ARHGAP32: variants seen among roughly 807,000 people sequenced by gnomAD.
ARHGAP32 encodes the protein Rho GTPase activating protein 32.
In ARHGAP32, 51 loss-of-function variants were observed where a neutral mutation model predicts 186.5. The ratio of observed to expected loss-of-function variants is 0.27; its 90% CI spans 0.22 to 0.35. The LOEUF (loss-of-function observed/expected upper bound fraction) is 0.35, where lower values mean the gene tolerates loss of function less well. ARHGAP32 is among the 10% of genes least tolerant of loss of function. The probability of loss-of-function intolerance (pLI) is 1.00; values close to 1 mark genes in which losing one functional copy is unlikely to be tolerated. For missense variants in ARHGAP32, 2,186 were observed against 2,623.5 expected (o/e 0.83, Z 3.64); for synonymous variants, 950 against 964.3 (o/e 0.99, Z 0.27).
At chr11:129,117,094 C>T (rs1273565235) in intron 5 of ARHGAP32, among the ~76,000 whole-genome samples, 1 of 151,874 alleles carries the variant, frequency 6.6e-6, no homozygotes, top group Non-Finnish European at 1.5e-5. Flanking sequence ...ATTAAAGATG[C>T]GAGATACTCT....
intron 11 of ARHGAP32, among the ~76,000 whole-genome samples, chr11:129,006,649 C>G (rs993795401): frequency 6.6e-6 from 1 of 152,180 alleles, no homozygotes; most frequent in African/African-American, 2.4e-5. Context: ...CTGTGGCCAC[C>G]ACCACTGGGA....
At chr11:129,098,070 C>G (rs1941785101) in intron 5 of ARHGAP32, among the ~76,000 whole-genome samples, 1 of 152,140 alleles carries the variant, frequency 6.6e-6, no homozygotes, top group Non-Finnish European at 1.5e-5. Context: ...GCAAAACTGT[C>G]CTTAAAAAGT....
At chr11:128,998,209 C>A in intron 12 of ARHGAP32, 110 bp downstream of exon 12, 2 of 931,088 alleles carry the variant, frequency 2.1e-6, no homozygotes, top group Non-Finnish European at 1.5e-6. Context: ...ATGCATTGAA[C>A]TGAAATGAAA....
chr11:129,068,422 C>A (rs1237070089), intron 6 of ARHGAP32, among the ~76,000 whole-genome samples: 2 of 152,040 alleles, frequency 1.3e-5, no homozygotes, highest in African/African-American at 2.4e-5. Flanking sequence ...CTATCACTAC[C>A]TTCTACCCAA....
intron 1 of ARHGAP32, among the ~76,000 whole-genome samples, chr11:129,200,433 T>C (rs1276561041): frequency 6.6e-6 from 1 of 152,174 alleles, no homozygotes; most frequent in East Asian, 1.9e-4. Context: ...CTCATGGTAG[T>C]AAGTAAGTCT....
intron 1 of ARHGAP32, among the ~76,000 whole-genome samples, chr11:129,266,464 A>G (rs1309498599): frequency 6.6e-6 from 1 of 152,134 alleles, no homozygotes; most frequent in Non-Finnish European, 1.5e-5. Context: ...ATCAGCCTAG[A>G]AGCTCTTGCC....
intron 2 of ARHGAP32, among the ~76,000 whole-genome samples, chr11:129,132,515 C>A (rs535636381): frequency 6.6e-6 from 1 of 151,834 alleles, no homozygotes; most frequent in Admixed American, 6.6e-5. Context: ...CACAGTGATC[C>A]CCATGAAACT....
intron 1 of ARHGAP32, among the ~76,000 whole-genome samples, chr11:129,246,542 C>T (rs981655182): frequency 6.6e-6 from 1 of 151,992 alleles, no homozygotes; most frequent in Non-Finnish European, 1.5e-5. Context: ...ATAAAATGAA[C>T]CAAAAAGGTT....
chr11:129,117,891 A>G (rs1317843405), intron 5 of ARHGAP32, among the ~76,000 whole-genome samples: 2 of 151,988 alleles, frequency 1.3e-5, no homozygotes, highest in Non-Finnish European at 2.9e-5. Flanking sequence ...ATATTTTGTG[A>G]AATGTGAATT....
In ARHGAP32 at chr11:129,055,930, G is replaced by T. The variant is rs142204286; in HGVS notation, c.963+6350C>A. Among the ~76,000 whole-genome samples the T allele has an allele frequency of 1.5e-3, 221 of 152,288 alleles. 1 individual carries two copies. The highest frequency in any genetic ancestry group is 4.9e-3 in the African/African-American group (204 of 41,554). ...AAACAATGGACTTTAGTTAATAATAGTATATCAATATTGATTCATTAATTA... is the reference window on the plus strand; with the variant it reads ...AAACAATGGACTTTAGTTAATAATATTATATCAATATTGATTCATTAATTA... On this transcript the variant is annotated intron_variant, in intron 10 of 22. Coordinates refer to ENST00000682385, the MANE Select transcript of ARHGAP32 (RefSeq NM_001378024.1).
Position 129,123,558 on chromosome 11 carries a change from G to A in ARHGAP32, c.360-28C>T, listed in dbSNP as rs752925915. On this transcript the variant is annotated intron_variant, in intron 4 of 22. Transcript: ENST00000682385. The surrounding 1 kb of genome is among the most constrained non-coding windows in gnomAD (Gnocchi z 4.6). The stretch of plus-strand genomic sequence containing the variant: ...GAAACACATGAAATAAATAAGAAAC[G>A]AGATAGTGAAACAGTAAAAATTACT... The A allele has an allele frequency of 4.4e-6, 7 of 1,581,140 alleles. No homozygotes were observed. Among genetic ancestry groups the A allele is most frequent in the Non-Finnish European group, 1.7e-6 (2 of 1,152,122 alleles).
intron 2 of ARHGAP32, among the ~76,000 whole-genome samples, chr11:129,153,945 CA>C (rs1565446821): frequency 6.6e-6 from 1 of 151,876 alleles, no homozygotes; most frequent in African/African-American, 2.4e-5. Flanking sequence ...AGAAAATAGA[CA>C]ACTAACAGAA....
At chr11:129,004,867 G>A (rs1395602626) in intron 11 of ARHGAP32, among the ~76,000 whole-genome samples, 3 of 151,918 alleles carry the variant, frequency 2.0e-5, no homozygotes, top group Non-Finnish European at 2.9e-5. Context: ...ATTTACATTT[G>A]ATGTTATTAT....
intron 5 of ARHGAP32, 97 bp from the exon 6 acceptor site, chr11:129,093,804 G>T: frequency 1.2e-6 from 1 of 808,718 alleles, no homozygotes. Flanking sequence ...TCATCTCCGG[G>T]TGAGCATCAG....
chr11:129,097,877 A>G (rs961927157), intron 5 of ARHGAP32, among the ~76,000 whole-genome samples: 1 of 152,186 alleles, frequency 6.6e-6, no homozygotes, highest in Non-Finnish European at 1.5e-5. Context: ...CCGATAATCA[A>G]ATGTTCAAAA....
intron 2 of ARHGAP32, among the ~76,000 whole-genome samples, chr11:129,149,884 A>G (rs1943250845): frequency 6.6e-6 from 1 of 152,126 alleles, no homozygotes; most frequent in South Asian, 2.1e-4. Context: ...AATGTAAAGA[A>G]ATTTTTTTAG....
chr11:128,973,085 T>G lies in ARHGAP32; in HGVS notation c.3421A>C (p.Thr1141Pro). 1 of 1,614,186 alleles carries G rather than the reference T, an allele frequency of 6.2e-7. No homozygotes were observed. The highest frequency in any genetic ancestry group is 8.5e-7 in the Non-Finnish European group (1 of 1,180,028). ...GTGTTGGAATGGGTAGGATCCCCAG[T>G]AGCTGTTGTCTCTGGTAGAGGATGG... Reference protein sequence around the residue: ...CDHPLPETTATGDPTHSNTTE... With the variant: ...CDHPLPETTAPGDPTHSNTTE... The change falls in exon 22 of 23, where the codon ACT (threonine) becomes CCT (proline). Residue 1141 changes from threonine (T) to proline (P), a missense_variant. Physicochemically the swap from Thr to Pro is conservative, Grantham distance 38. Transcript: ENST00000682385.
intron 6 of ARHGAP32, among the ~76,000 whole-genome samples, chr11:129,086,606 G>A (rs1167104900): frequency 6.6e-6 from 1 of 152,140 alleles, no homozygotes; most frequent in Non-Finnish European, 1.5e-5. Flanking sequence ...CGGATCACAA[G>A]GTCAGGAGAT....
intron 20 of ARHGAP32, among the ~76,000 whole-genome samples, chr11:128,975,395 G>A (rs1408887388): frequency 1.3e-5 from 2 of 152,082 alleles, no homozygotes; most frequent in African/African-American, 4.8e-5. Flanking sequence ...ATCACTTTGA[G>A]TGGCATTTTG....
Sources: allele counts gnomAD v4.1 joint callset (sites outside exome capture counted in the v4.1 genomes callset), GRCh38; gene constraint gnomAD v4.1.1; non-coding constraint Gnocchi (gnomAD v3.1); transcripts MANE v1.5; gene names NCBI Gene and HGNC (gene_info 2026-07-23, HGNC 2026-07-21).